BRWD3: variants seen among roughly 807,000 people sequenced by gnomAD.
BRWD3 encodes bromodomain and WD repeat-containing protein 3.
Under a neutral mutation model 149.7 loss-of-function variants are expected in BRWD3, and 10 were observed. That is an observed-to-expected ratio of 0.07 (90% confidence interval 0.04 to 0.11). BRWD3 has a LOEUF of 0.11. Among genes scored for constraint, BRWD3 ranks in the 10% least tolerant of loss-of-function variants. BRWD3 has a pLI of 1.00. For missense variants in BRWD3, 940 were observed against 1,373.2 expected, an observed-to-expected ratio of 0.68 and a Z score of 4.99; for synonymous variants, 504 against 456.7, an observed-to-expected ratio of 1.10 and a Z score of -1.32.
intron 39 of BRWD3, 48 bp downstream of exon 39, chrX:80,681,949 C>T (rs377169420): frequency 6.0e-5 from 60 of 1,000,824 alleles, no homozygotes; most frequent in Non-Finnish European, 8.1e-5. Flanking sequence ...TCCTTAATAT[C>T]AGAATTAAAC....
At chrX:80,790,546 T>C (rs183236700) in intron 6 of BRWD3, among the ~76,000 whole-genome samples, 2 of 111,307 alleles carry the variant, frequency 1.8e-5, no homozygotes, top group African/African-American at 3.3e-5. Context: ...AAGCAATTAC[T>C]AAAAGAATAA....
At chrX:80,762,946 G>A (rs998545593) in intron 6 of BRWD3, among the ~76,000 whole-genome samples, 2 of 110,223 alleles carry the variant, frequency 1.8e-5, no homozygotes, top group African/African-American at 3.3e-5. Flanking sequence ...GGAATACCAC[G>A]CAAAAGTTTG....
chrX:80,682,400 C>T (rs760945426), intron 38 of BRWD3, 65 bp downstream of exon 38: 4 of 1,139,813 alleles, frequency 3.5e-6, no homozygotes, highest in Non-Finnish European at 4.8e-6. Flanking sequence ...CATAAACTTT[C>T]ACAAATTAGG....
Position 80,672,714 on chromosome X carries a change from G to A in BRWD3, c.*3895C>T, listed in dbSNP as rs776193540. ...GTTCCACAAAAATATTGGGGATGGG[G>A]TTAGCATTTAAAACAATGGACTTTA... On this transcript the variant is annotated 3_prime_UTR_variant, in exon 41 of 41. Transcript: ENST00000373275. 2.7e-5 allele frequency: 3 copies of A among 111,629 alleles called. No homozygotes were observed. In the South Asian group the frequency reaches 1.1e-3, roughly 42 times the overall value. 9.2% of individuals were successfully genotyped at this position (111,629 alleles called of 1,213,427 possible).
intron 6 of BRWD3, among the ~76,000 whole-genome samples, chrX:80,773,453 C>T (rs1388659722): frequency 9.0e-6 from 1 of 111,690 alleles, no homozygotes; most frequent in African/African-American, 3.3e-5. Context: ...GTCAGCTAAA[C>T]ATGAACTCTC....
Position 80,775,567 on chromosome X carries a change from G to T in BRWD3, c.430+16287C>A, listed in dbSNP as rs577695287. 2.0e-4 allele frequency among the ~76,000 whole-genome samples: 22 copies of T among 111,914 alleles called. No homozygotes were observed. The South Asian group carries it at 8.1e-3, about 41-fold the overall frequency. ...AGCAAATATGTGTATTGTAAAGATT[G>T]CAGAACACTTAAAATAGCTGACAAG... On this transcript the variant is annotated intron_variant, in intron 6 of 40. Coordinates refer to ENST00000373275, the MANE Select transcript of BRWD3 (RefSeq NM_153252.5).
At chrX:80,734,599 G>C (rs1208883694) in intron 10 of BRWD3, among the ~76,000 whole-genome samples, 1 of 110,826 alleles carries the variant, frequency 9.0e-6, no homozygotes, top group Non-Finnish European at 1.9e-5. Flanking sequence ...TGATGAAAAA[G>C]TTTTAGAGAT....
chrX:80,743,135 C>G (rs1342225043), intron 8 of BRWD3, among the ~76,000 whole-genome samples: 5 of 111,795 alleles, frequency 4.5e-5, no homozygotes, highest in Non-Finnish European at 9.4e-5. Context: ...AAGGCCTTTT[C>G]TGCATCTATT....
chrX:80,696,563 C>CAA (rs1183537161), intron 26 of BRWD3, among the ~76,000 whole-genome samples, 176 bp downstream of exon 26: 23 of 100,374 alleles, frequency 2.3e-4, no homozygotes, highest in Middle Eastern at 5.4e-3. Flanking sequence ...CACACACACA[C>CAA]AAATATAAAT....
chrX:80,754,736 G>A (rs1487140759), intron 6 of BRWD3, among the ~76,000 whole-genome samples: 1 of 112,408 alleles, frequency 8.9e-6, no homozygotes, highest in African/African-American at 3.2e-5. Flanking sequence ...GCCGGGCATG[G>A]TGGCTCACGC....
At chrX:80,773,212 T>C (rs1381689287) in intron 6 of BRWD3, among the ~76,000 whole-genome samples, 2 of 111,333 alleles carry the variant, frequency 1.8e-5, no homozygotes, top group Non-Finnish European at 3.8e-5. Flanking sequence ...GCATGCAACA[T>C]AGATATATAC....
At chrX:80,709,340 T>G in intron 21 of BRWD3, 88 bp downstream of exon 21, 1 of 701,094 alleles carries the variant, frequency 1.4e-6, no homozygotes, top group Non-Finnish European at 2.1e-6. Context: ...AATAATTTTC[T>G]ATTAAAGAAG....
intron 8 of BRWD3, among the ~76,000 whole-genome samples, chrX:80,743,185 T>C (rs1230510811): frequency 8.0e-5 from 9 of 112,056 alleles, no homozygotes; most frequent in Non-Finnish European, 1.3e-4. Context: ...TCTGTTTATA[T>C]GCGGGATTAT....
chrX:80,785,765 C>T (rs2074101629), intron 6 of BRWD3, among the ~76,000 whole-genome samples: 1 of 112,294 alleles, frequency 8.9e-6, no homozygotes, highest in African/African-American at 3.2e-5. Context: ...CAGTAGTTCA[C>T]ACCTATAATC....
chrX:80,679,669 T>C (rs971526851), intron 40 of BRWD3, among the ~76,000 whole-genome samples: 1 of 110,774 alleles, frequency 9.0e-6, no homozygotes, highest in Non-Finnish European at 1.9e-5. Flanking sequence ...ATCAATAGAG[T>C]ATAGAAGCTT....
At chrX:80,781,272 C>A (rs1286468102) in intron 6 of BRWD3, among the ~76,000 whole-genome samples, 1 of 111,400 alleles carries the variant, frequency 9.0e-6, no homozygotes, top group Non-Finnish European at 1.9e-5. Context: ...GGGTATATCC[C>A]GATCATTGTC....
At chrX:80,779,391 T>C (rs2074034515) in intron 6 of BRWD3, among the ~76,000 whole-genome samples, 1 of 110,641 alleles carries the variant, frequency 9.0e-6, no homozygotes, top group Admixed American at 9.7e-5. Flanking sequence ...TAGTTTCTAT[T>C]AAGTAGAGAG....
intron 6 of BRWD3, among the ~76,000 whole-genome samples, chrX:80,786,108 C>G (rs1310444931): frequency 9.0e-6 from 1 of 111,256 alleles, no homozygotes; most frequent in African/African-American, 3.3e-5. Flanking sequence ...AGTAGCTTAC[C>G]TGTTCCCATA....
chrX:80,697,723 G>A lies in BRWD3; in HGVS notation c.2944-860C>T, dbSNP rs758607399. 6.3e-5 allele frequency among the ~76,000 whole-genome samples: 7 copies of A among 111,831 alleles called. No homozygotes were observed. In the South Asian group the frequency reaches 1.1e-3, roughly 18 times the overall value. On this transcript the variant is annotated intron_variant, in intron 25 of 40. Transcript: ENST00000373275. ...TTTCTTTATCCAGTCCACCACTGAC[G>A]GGCATCTAGATTGATTCCATGTCTT...
Sources: allele counts gnomAD v4.1 joint callset (sites outside exome capture counted in the v4.1 genomes callset), GRCh38; gene constraint gnomAD v4.1.1; transcripts MANE v1.5; gene names NCBI Gene and HGNC (gene_info 2026-07-23, HGNC 2026-07-21).